The following ITPA variants were observed in gnomAD, a reference collection of about 807,000 sequenced individuals.
The protein encoded by ITPA is inosine triphosphate pyrophosphatase.
A neutral mutation model predicts 29.6 loss-of-function variants in ITPA; 29 were observed. That is an observed-to-expected ratio of 0.98 (90% CI 0.73 to 1.34). ITPA has a LOEUF of 1.34. Ranked by LOEUF, ITPA falls within the 40% of genes most tolerant of loss-of-function variation. ITPA has a pLI of 0.00. For missense variants in ITPA, 241 were observed against 251.5 expected, an observed-to-expected ratio of 0.96 and a Z score of 0.28; for synonymous variants, 103 against 99.3, an observed-to-expected ratio of 1.04 and a Z score of -0.22.
At position 3,213,175 on chromosome 20, in the gene ITPA, C is replaced by G; in HGVS notation, c.73C>G (p.Gln25Glu). ...GNAKKLEEVVQILGDKFPCTL... is the reference protein window; with the variant it reads ...GNAKKLEEVVEILGDKFPCTL... ...CTCTTTTCTCTTGGAACAGGTCGTT[C>G]AGATTCTAGGAGATAAGTTTCCATG... is the stretch of plus-strand genomic sequence containing the variant. The change falls in exon 2 of 8, where the codon CAG (glutamine) becomes GAG (glutamate). Residue 25 changes from glutamine (Q) to glutamate (E), a missense_variant. Coordinates refer to ENST00000380113, the MANE Select transcript of ITPA (RefSeq NM_033453.4). 1 of 1,613,948 alleles carries G rather than the reference C, an allele frequency of 6.2e-7. No homozygotes were observed. Among genetic ancestry groups the G allele is most frequent in the Non-Finnish European group, 8.5e-7 (1 of 1,179,834 alleles).
intron 2 of ITPA, 41 bp downstream of exon 2, chr20:3,213,267 T>C (rs768112087): frequency 1.5e-4 from 240 of 1,614,090 alleles, no homozygotes; most frequent in Non-Finnish European, 1.9e-4. Flanking sequence ...GATGGTTGGA[T>C]TTCTCTGTCT....
At chr20:3,213,407 C>G in intron 3 of ITPA, 24 bp downstream of exon 3, 1 of 1,613,270 alleles carries the variant, frequency 6.2e-7, no homozygotes, top group Non-Finnish European at 8.5e-7. Context: ...CCTTGTCCCA[C>G]ACTTGCTCTT....
chr20:3,225,736 T>A (rs1482263408), downstream of ITPA, among the ~76,000 whole-genome samples: 2 of 151,996 alleles, frequency 1.3e-5, no homozygotes, highest in East Asian at 3.9e-4. Context: ...AATAAAAAAA[T>A]AAAAAATTTA....
chr20:3,214,948 G>C (rs539035996), intron 4 of ITPA, among the ~76,000 whole-genome samples: 2 of 151,742 alleles, frequency 1.3e-5, no homozygotes, highest in Non-Finnish European at 2.9e-5. Flanking sequence ...GCAGTGGTGT[G>C]ATCACAGCTC....
chr20:3,209,746 T>C lies in ITPA; in HGVS notation c.66+129T>C. 1.3e-6 allele frequency: 1 copy of C among 746,264 alleles called. No homozygotes were observed. Among genetic ancestry groups the C allele is most frequent in the Non-Finnish European group, 2.2e-6 (1 of 454,178 alleles). The allele number at this position is 746,264 out of a possible 1,614,324, so 46.2% of individuals were successfully genotyped here. ...ACAGAATTCAGCCCGGAAGAATGGG[T>C]CCTGACCCGGCTGTGTGGAAAAGCT... On this transcript the variant is annotated intron_variant, in intron 1 of 7. Coordinates refer to ENST00000380113, the MANE Select transcript of ITPA (RefSeq NM_033453.4). This position sits in a 1 kb window ranked among gnomAD's most constrained non-coding sequence, Gnocchi z 4.6.
intron 6 of ITPA, chr20:3,218,866 G>A: frequency 1.7e-6 from 1 of 592,268 alleles, no homozygotes; most frequent in South Asian, 1.8e-5. Context: ...TTGCTGAGGG[G>A]TGCCCCTGGG....
chr20:3,210,799 C>G (rs2067152662), intron 1 of ITPA, among the ~76,000 whole-genome samples: 1 of 151,996 alleles, frequency 6.6e-6, no homozygotes, highest in Non-Finnish European at 1.5e-5. Context: ...GCCTGTAATC[C>G]CAGCACTTTG....
At chr20:3,212,666 C>T (rs1600498944) in intron 1 of ITPA, among the ~76,000 whole-genome samples, 1 of 152,264 alleles carries the variant, frequency 6.6e-6, no homozygotes, top group Non-Finnish European at 1.5e-5. Flanking sequence ...GAGATATCTG[C>T]AGCAATTGTA....
Position 3,223,780 on chromosome 20 carries a change from C to T in ITPA, c.*318C>T. 1 of 430,690 alleles carries T rather than the reference C, an allele frequency of 2.3e-6. No homozygotes were observed. 26.7% of individuals were successfully genotyped at this position (430,690 alleles called of 1,614,324 possible). On this transcript the variant is annotated 3_prime_UTR_variant, in exon 8 of 8. Coordinates refer to ENST00000380113, the MANE Select transcript of ITPA (RefSeq NM_033453.4). ...CGTGGGGAGGAACCATGCAAATCGC[C>T]TTCCATGGTTTTTAAATGCAGTAAA...
chr20:3,204,507 C>G, upstream of ITPA: 1 of 1,540,886 alleles, frequency 6.5e-7, no homozygotes, highest in Non-Finnish European at 8.7e-7. Context: ...AACCCGGTAC[C>G]ACCAACCCTG....
At chr20:3,224,723 G>A (rs2067538786), downstream of ITPA, among the ~76,000 whole-genome samples, 2 of 152,206 alleles carry the variant, frequency 1.3e-5, no homozygotes, top group African/African-American at 4.8e-5. Flanking sequence ...CCCCTGTGCA[G>A]GGAACACCCA....
At chr20:3,204,765 C>G, upstream of ITPA, 1 of 789,476 alleles carries the variant, frequency 1.3e-6, no homozygotes, top group Non-Finnish European at 2.0e-6. Context: ...GCTTTAATGT[C>G]AGACATTAAA....
chr20:3,206,387 C>CAAAAAAAAA (rs143721062), upstream of ITPA, among the ~76,000 whole-genome samples: 1 of 33,622 alleles, frequency 3.0e-5, no homozygotes, highest in Non-Finnish European at 5.7e-5. Flanking sequence ...GACTCAGTCT[C>CAAAAAAAAA]AAAAAAAAAA....
At chr20:3,213,924 T>C in intron 3 of ITPA, 61 bp from the exon 4 acceptor site, 1 of 1,574,198 alleles carries the variant, frequency 6.4e-7, no homozygotes, top group Non-Finnish European at 8.7e-7. Flanking sequence ...GCGGGTGACC[T>C]GGACGTTCCA....
At chr20:3,204,635 G>T (rs370359432), upstream of ITPA, 2 of 1,574,982 alleles carry the variant, frequency 1.3e-6, no homozygotes, top group Non-Finnish European at 8.6e-7. Context: ...CATGACGAGG[G>T]CCTCAGTGCA....
downstream of ITPA, among the ~76,000 whole-genome samples, chr20:3,225,113 A>G (rs1341200468): frequency 6.6e-6 from 1 of 152,064 alleles, no homozygotes; most frequent in Non-Finnish European, 1.5e-5. Context: ...CCGAGGTGGG[A>G]GGATCCCGAG....
rs1433689808 is a variant in ITPA, at chr20:3,213,314, A to G, written c.125-5A>G. On this transcript the variant is annotated splice_region_variant and splice_polypyrimidine_tract_variant and intron_variant, in intron 2 of 7. Coordinates refer to ENST00000380113, the MANE Select transcript of ITPA (RefSeq NM_033453.4). ...GACTTTCTGTGTGTCTGTTTCCCTG[A>G]TAAGTGCCGGAGTACCAGGGGGAGC... The G allele has an allele frequency of 3.1e-6, 5 of 1,613,920 alleles. No individual in the cohort carries two copies. In the African/African-American group the frequency reaches 5.3e-5, roughly 17 times the overall value.
chr20:3,210,071 T>C (rs2067138173), intron 1 of ITPA, among the ~76,000 whole-genome samples: 1 of 152,134 alleles, frequency 6.6e-6, no homozygotes, highest in Non-Finnish European at 1.5e-5. Flanking sequence ...CGTCCTGAAA[T>C]GTTCTAACCT....
intron 4 of ITPA, 27 bp downstream of exon 4, chr20:3,214,085 A>G (rs1369389187): frequency 3.1e-6 from 5 of 1,609,396 alleles, no homozygotes; most frequent in Non-Finnish European, 3.4e-6. Flanking sequence ...ACCCCCTTAC[A>G]GGGCGTCAGG....
Sources: allele counts gnomAD v4.1 joint callset (sites outside exome capture counted in the v4.1 genomes callset), GRCh38; gene constraint gnomAD v4.1.1; non-coding constraint Gnocchi (gnomAD v3.1); transcripts MANE v1.5; gene names NCBI Gene and HGNC (gene_info 2026-07-23, HGNC 2026-07-21).